The following CRACDL variants were observed in gnomAD, a reference collection of about 807,000 sequenced individuals.
CRACDL encodes the protein CRACD-like protein.
Under a neutral mutation model 70.6 loss-of-function variants are expected in CRACDL, and 26 were observed. That is an observed-to-expected ratio of 0.37 (90% confidence interval 0.27 to 0.51). The LOEUF is 0.51. Among genes scored for constraint, CRACDL ranks in the 20% least tolerant of loss-of-function variants. CRACDL has a pLI of 0.94. For missense variants in CRACDL, 1,283 were observed against 1,376.9 expected, an observed-to-expected ratio of 0.93 and a Z score of 1.08; for synonymous variants, 618 against 615.2, an observed-to-expected ratio of 1.00 and a Z score of -0.07.
At chr2:98,854,818 C>A (rs1325020056) in intron 1 of CRACDL, among the ~76,000 whole-genome samples, 1 of 152,026 alleles carries the variant, frequency 6.6e-6, no homozygotes, top group Non-Finnish European at 1.5e-5. Flanking sequence ...AGGAGGAAGG[C>A]CAAGAAACCA....
intron 1 of CRACDL, among the ~76,000 whole-genome samples, chr2:98,907,315 A>G (rs1708439635): frequency 6.6e-6 from 1 of 152,164 alleles, no homozygotes; most frequent in South Asian, 2.1e-4. Flanking sequence ...AAAACAAAAC[A>G]AAACAAAAAC....
intron 1 of CRACDL, among the ~76,000 whole-genome samples, chr2:98,878,173 C>T (rs1239600038): frequency 6.6e-6 from 1 of 152,178 alleles, no homozygotes; most frequent in Non-Finnish European, 1.5e-5. Context: ...TCTCAAACTC[C>T]TGACCTTGGG....
At chr2:98,892,782 T>C (rs907385909) in intron 1 of CRACDL, among the ~76,000 whole-genome samples, 8 of 152,146 alleles carry the variant, frequency 5.3e-5, no homozygotes, top group African/African-American at 1.9e-4. Context: ...AAAAAAACCC[T>C]AAACCCTAAT....
intron 3 of CRACDL, among the ~76,000 whole-genome samples, chr2:98,837,455 T>TAAA (rs113790129): frequency 6.9e-6 from 1 of 145,140 alleles, no homozygotes; most frequent in African/African-American, 2.5e-5. Context: ...AGCGTTGTCT[T>TAAA]AAAAAAAAAA....
At chr2:98,866,651 T>TA (rs1707159386) in intron 1 of CRACDL, among the ~76,000 whole-genome samples, 1 of 151,278 alleles carries the variant, frequency 6.6e-6, no homozygotes. Flanking sequence ...CCACGCAGGC[T>TA]AATTTTTTGT....
At position 98,909,176 on chromosome 2, in the gene CRACDL, C is replaced by T. The variant is rs150753270; in HGVS notation, c.-11+26762G>A. On this transcript the variant is annotated intron_variant, in intron 1 of 9. Coordinates refer to ENST00000397899, the MANE Select transcript of CRACDL (RefSeq NM_207362.3). Reference sequence around the variant, plus strand: ...TTGGCAGAAAGCTGTCAAGCGATTGCTATGTATGGTTTCTCTGCACATCAG... The same window carrying T: ...TTGGCAGAAAGCTGTCAAGCGATTGTTATGTATGGTTTCTCTGCACATCAG... 3.0e-3 allele frequency among the ~76,000 whole-genome samples: 455 copies of T among 152,298 alleles called. 4 individuals carry two copies. Among genetic ancestry groups the T allele is most frequent in the African/African-American group, 7.8e-3 (326 of 41,552 alleles).
Position 98,907,164 on chromosome 2 carries a change from C to A in CRACDL, c.-11+28774G>T, listed in dbSNP as rs191473520. Among the ~76,000 whole-genome samples, 8 of 152,244 alleles carry A rather than the reference C, an allele frequency of 5.3e-5. No individual in the cohort carries two copies. The East Asian group carries it at 1.5e-3, about 29-fold the overall frequency. On this transcript the variant is annotated intron_variant, in intron 1 of 9. Coordinates refer to ENST00000397899, the MANE Select transcript of CRACDL (RefSeq NM_207362.3). ...AAAATTAGCTGGGCATGGTGGTGGGCACCTATAATCCCAGCTACTCAGGAG... is the reference window on the plus strand; with the variant it reads ...AAAATTAGCTGGGCATGGTGGTGGGAACCTATAATCCCAGCTACTCAGGAG...
At position 98,827,126 on chromosome 2, in the gene CRACDL, G is replaced by A; in HGVS notation, c.584C>T (p.Ser195Phe). The change falls in exon 6 of 10, where the codon TCT (serine) becomes TTT (phenylalanine). Residue 195 changes from serine to phenylalanine, a missense_variant. Around this residue, in one of 2 missense-constraint regions of CRACDL, gnomAD observed 362 missense variants for 495.0 expected, o/e 0.73. Transcript: ENST00000397899. ...SPDHVSDSTV[S>F]ARISDNSLAP... ...CAGGCTGTTGTCTGAGATCCGGGCA[G>A]AGACGGTGCTGTCGCTCACGTGGTC... is the stretch of plus-strand genomic sequence containing the variant. The A allele has an allele frequency of 1.2e-6, 2 of 1,614,124 alleles. No individual in the cohort carries two copies. Among genetic ancestry groups the A allele is most frequent in the Non-Finnish European group, 1.7e-6 (2 of 1,180,012 alleles).
intron 7 of CRACDL, among the ~76,000 whole-genome samples, chr2:98,814,573 G>A (rs1159656404): frequency 6.6e-6 from 1 of 152,140 alleles, no homozygotes; most frequent in Non-Finnish European, 1.5e-5. Context: ...GCTGTTTAGT[G>A]ACCTAGAATA....
At position 98,822,227 on chromosome 2, in the gene CRACDL, G is replaced by T. The variant is rs1432137452; in HGVS notation, c.2046C>A (p.Phe682Leu). Residue 682 changes from phenylalanine to leucine, a missense_variant, in exon 7 of 10, where the codon TTC (phenylalanine) becomes TTA (leucine). Phe to Leu is a conservative substitution (Grantham distance 22). Coordinates refer to ENST00000397899, the MANE Select transcript of CRACDL (RefSeq NM_207362.3). This position sits in a 1 kb window ranked among gnomAD's most constrained non-coding sequence, Gnocchi z 4.9. ...GGGAGGTGGACCGGAGCTTGACGGG[G>T]AAGGGGTTTCTGTCCTCACTCGGGG... ...EPAPSEDRNP[F>L]PVKLRSTSLS... 3.4e-5 allele frequency: 54 copies of T among 1,606,352 alleles called. No homozygotes were observed. The highest frequency in any genetic ancestry group is 4.3e-5 in the Non-Finnish European group (51 of 1,179,112).
intron 1 of CRACDL, among the ~76,000 whole-genome samples, chr2:98,912,120 C>A (rs905916512): frequency 6.6e-6 from 1 of 152,200 alleles, no homozygotes; most frequent in Non-Finnish European, 1.5e-5. Flanking sequence ...GTGTGACAAC[C>A]ACTGGCGTCC....
chr2:98,807,308 T>C (rs1261209411), intron 7 of CRACDL, among the ~76,000 whole-genome samples: 2 of 152,238 alleles, frequency 1.3e-5, no homozygotes, highest in Non-Finnish European at 2.9e-5. Flanking sequence ...CCATTTTAAC[T>C]TATTCATTGA....
chr2:98,934,995 C>A (rs1057191640), intron 1 of CRACDL, among the ~76,000 whole-genome samples: 2 of 152,190 alleles, frequency 1.3e-5, no homozygotes, highest in Non-Finnish European at 2.9e-5. Flanking sequence ...AATTTTATAA[C>A]CTCAATAGGT....
intron 1 of CRACDL, among the ~76,000 whole-genome samples, chr2:98,895,568 A>T (rs965480161): frequency 3.3e-5 from 5 of 152,154 alleles, no homozygotes; most frequent in African/African-American, 1.2e-4. Context: ...TGAAGTTTTG[A>T]GAGCTGGATT....
chr2:98,795,676 T>C (rs1178853088), intron 9 of CRACDL, among the ~76,000 whole-genome samples: 6 of 152,196 alleles, frequency 3.9e-5, no homozygotes, highest in African/African-American at 7.2e-5. Context: ...ACTGTCAATA[T>C]ACAGTTGTCC....
chr2:98,925,795 G>T (rs534386363), intron 1 of CRACDL, among the ~76,000 whole-genome samples: 1 of 152,162 alleles, frequency 6.6e-6, no homozygotes, highest in Non-Finnish European at 1.5e-5. Flanking sequence ...AAAAGGTGGG[G>T]AGCAATGCTC....
At position 98,929,349 on chromosome 2, in the gene CRACDL, C is replaced by G. The variant is rs888220601; in HGVS notation, c.-11+6589G>C. On this transcript the variant is annotated intron_variant, in intron 1 of 9. Transcript: ENST00000397899. ...GACCTGGTGTGGCCCCTGTGCCCAC[C>G]GCACCTACTCCCTTACCTGTCTGGT... Among the ~76,000 whole-genome samples, 3 of 152,258 alleles carry G rather than the reference C, an allele frequency of 2.0e-5. No homozygotes were observed. In the Middle Eastern group the frequency reaches 0.01, roughly 518 times the overall value.
At chr2:98,854,189 G>A (rs1187159048) in intron 1 of CRACDL, among the ~76,000 whole-genome samples, 4 of 149,276 alleles carry the variant, frequency 2.7e-5, no homozygotes, top group Non-Finnish European at 5.9e-5. Context: ...GCTGAGGCGG[G>A]AGAAGTGCGT....
chr2:98,800,565 C>G (rs1421866024), intron 7 of CRACDL, among the ~76,000 whole-genome samples: 1 of 152,116 alleles, frequency 6.6e-6, no homozygotes, highest in East Asian at 1.9e-4. Context: ...ATATCTTGTT[C>G]TAGAATCCTC....
Sources: gnomAD v4.1 joint callset for allele counts (sites outside exome capture counted in the v4.1 genomes callset) on GRCh38, gnomAD v4.1.1 for gene constraint, gnomAD v4.1.1 regional missense constraint, Gnocchi (gnomAD v3.1) non-coding constraint, MANE v1.5 for transcripts, NCBI Gene and HGNC (gene_info 2026-07-23, HGNC 2026-07-21) for gene names.